The following ERICH1 variants were observed in gnomAD, a reference collection of about 807,000 sequenced individuals.
ERICH1 encodes the protein glutamate rich 1, also known as glutamate-rich protein 1.
ERICH1 carries 56 observed loss-of-function variants against 39.6 expected under a neutral mutation model. That is an observed-to-expected ratio of 1.41 (90% CI 1.14 to 1.77). The LOEUF is 1.77. Among genes scored for constraint, ERICH1 ranks in the 40% most tolerant of loss-of-function variants. The probability of loss-of-function intolerance (pLI) is 0.00; values close to 1 mark genes in which losing one functional copy is unlikely to be tolerated. For synonymous variants in ERICH1, 313 were observed against 223.6 expected (o/e 1.40, Z -3.57); for missense variants, 826 against 575.4 (o/e 1.44, Z -4.45).
chr8:664,981 C>T (rs1801966834), intron 5 of ERICH1, among the ~76,000 whole-genome samples: 1 of 152,152 alleles, frequency 6.6e-6, no homozygotes, highest in South Asian at 2.1e-4. Context: ...ATATTATAGG[C>T]TTAACATCAG....
At chr8:658,947 G>A (rs1801031722) in intron 3 of ERICH1, among the ~76,000 whole-genome samples, 1 of 152,210 alleles carries the variant, frequency 6.6e-6, no homozygotes, top group African/African-American at 2.4e-5. Flanking sequence ...TGGATTTCAG[G>A]AGCTGGGACT....
In ERICH1 at chr8:692,549, TAGCCCTCAGGA is replaced by T; in HGVS notation, c.222_232del (p.Pro75ArgfsTer21). ...GCTGGGCTCCGGCCAACAGGGGACG[TAGCCCTCAGGA>T]GGCCCGCTGGCAGTGTAGAGCCGTC... On this transcript the variant is annotated frameshift_variant, in exon 3 of 6. Transcript: ENST00000262109. LOFTEE classifies it high-confidence loss of function. 1 of 1,613,884 alleles carries T rather than the reference TAGCCCTCAGGA, an allele frequency of 6.2e-7. No individual in the cohort carries two copies. The highest frequency in any genetic ancestry group is 1.1e-5 in the South Asian group (1 of 91,066).
chr8:719,919 G>A (rs1339061775), intron 1 of ERICH1, among the ~76,000 whole-genome samples: 3 of 152,238 alleles, frequency 2.0e-5, no homozygotes, highest in East Asian at 3.9e-4. Context: ...TGGACCTGGT[G>A]CCCTCCAGCC....
intron 1 of ERICH1, among the ~76,000 whole-genome samples, chr8:718,460 TC>T (rs1475009152): frequency 6.6e-6 from 1 of 152,250 alleles, no homozygotes; most frequent in East Asian, 1.9e-4. Flanking sequence ...ACAGTGGTTT[TC>T]CACCAACACT....
chr8:692,249 C>G (rs1809064273), intron 3 of ERICH1, among the ~76,000 whole-genome samples: 1 of 152,226 alleles, frequency 6.6e-6, no homozygotes, highest in South Asian at 2.1e-4. Flanking sequence ...TTCCCACTTT[C>G]AATCTCCTCC....
chr8:616,527 G>C, intron 3 of ERICH1: 1 of 456,010 alleles, frequency 2.2e-6, no homozygotes, highest in South Asian at 1.5e-5. Context: ...TTGATACCTG[G>C]GGACCACAAC....
downstream of ERICH1, among the ~76,000 whole-genome samples, chr8:660,096 G>A (rs150755168): frequency 0.018 from 2,713 of 152,258 alleles, 39 homozygotes; most frequent in Non-Finnish European, 0.029. Flanking sequence ...CTGAGCTCCC[G>A]AAGGCAGGGC....
rs139731216 is a variant in ERICH1, at chr8:708,681, GTTTTT to G, written c.169+7175_169+7179del. ...GGGCTGAGTGGTTACGGGATAATGA[GTTTTT>G]TTTTTTTTTTTTTTTTTTTTTTTTT... On this transcript the variant is annotated intron_variant, in intron 2 of 5. Coordinates refer to ENST00000262109, the MANE Select transcript of ERICH1 (RefSeq NM_207332.3). Among the ~76,000 whole-genome samples, 113 of 65,776 alleles carry G rather than the reference GTTTTT, an allele frequency of 1.7e-3. 3 individuals carry two copies. The Middle Eastern group carries it at 0.038, about 22-fold the overall frequency. The allele number at this position is 65,776 out of a possible 152,430, so 43.2% of individuals were successfully genotyped here. A position where few individuals can be genotyped will look rare whatever the true frequency, so the allele number is the denominator to read the frequency against.
intron 3 of ERICH1, among the ~76,000 whole-genome samples, chr8:621,656 G>T (rs1797289528): frequency 6.6e-6 from 1 of 151,956 alleles, no homozygotes. Context: ...CAAGACCAAT[G>T]GTTAGTTCTT....
chr8:629,431 C>A (rs976580019), intron 3 of ERICH1, among the ~76,000 whole-genome samples: 1 of 151,320 alleles, frequency 6.6e-6, no homozygotes, highest in South Asian at 2.1e-4. Flanking sequence ...CCTGTGAGCA[C>A]CCACACAGAC....
chr8:636,658 G>A (rs992863655), intron 3 of ERICH1, among the ~76,000 whole-genome samples: 1 of 152,218 alleles, frequency 6.6e-6, no homozygotes, highest in Non-Finnish European at 1.5e-5. Context: ...CAACAAAAGC[G>A]CAGTCCAAAT....
At chr8:696,095 C>T (rs112205522) in intron 2 of ERICH1, among the ~76,000 whole-genome samples, 344 of 5,574 alleles carry the variant, frequency 0.062, 134 homozygotes, top group Middle Eastern at 0.5. Context: ...CTTCCTCTCC[C>T]TCCTCCCCAT....
chr8:621,986 A>G (rs1289186836), intron 3 of ERICH1, among the ~76,000 whole-genome samples: 1 of 152,192 alleles, frequency 6.6e-6, no homozygotes, highest in Admixed American at 6.5e-5. Flanking sequence ...AGGCCAAGGC[A>G]TGACGATCCC....
chr8:616,545 T>G (rs1039525431), intron 3 of ERICH1: 2 of 455,506 alleles, frequency 4.4e-6, no homozygotes, highest in Admixed American at 4.7e-5. Context: ...AACACGCACA[T>G]CTGGGAACTG....
intron 3 of ERICH1, 108 bp from the exon 4 acceptor site, chr8:674,155 A>G (rs1804118862): frequency 1.6e-6 from 2 of 1,268,132 alleles, no homozygotes; most frequent in African/African-American, 1.5e-5. Flanking sequence ...GTAGAAAAAG[A>G]GTTTACACTA....
intron 2 of ERICH1, among the ~76,000 whole-genome samples, chr8:701,743 AGAT>A (rs1191798470): frequency 2.6e-5 from 4 of 152,234 alleles, no homozygotes; most frequent in African/African-American, 9.6e-5. Flanking sequence ...ATGAAATTAA[AGAT>A]GATGTCACAT....
intron 3 of ERICH1, among the ~76,000 whole-genome samples, chr8:619,399 A>G (rs59020607): frequency 0.17 from 25,761 of 152,082 alleles, 2,404 homozygotes; most frequent in East Asian, 0.32. Context: ...TATTTTTAAA[A>G]TGCTTACATA....
intron 3 of ERICH1, among the ~76,000 whole-genome samples, chr8:654,033 A>G (rs989339112): frequency 1.4e-4 from 21 of 152,172 alleles, no homozygotes; most frequent in African/African-American, 4.1e-4. Flanking sequence ...GGTGGCTGCC[A>G]GGTGCAGGGA....
At chr8:730,483 G>C (rs1819726556) in intron 1 of ERICH1, among the ~76,000 whole-genome samples, 2 of 152,204 alleles carry the variant, frequency 1.3e-5, no homozygotes, top group African/African-American at 2.4e-5. Context: ...TCATTATGAT[G>C]ATGATTACAC....
Sources: allele counts gnomAD v4.1 joint callset (sites outside exome capture counted in the v4.1 genomes callset), GRCh38; gene constraint gnomAD v4.1.1; transcripts MANE v1.5; gene names NCBI Gene and HGNC (gene_info 2026-07-23, HGNC 2026-07-21).